MFSD12: variants seen among roughly 807,000 people sequenced by gnomAD.
MFSD12 encodes major facilitator superfamily domain containing 12, also known as major facilitator superfamily domain-containing protein 12.
A neutral mutation model predicts 51.2 loss-of-function variants in MFSD12; 67 were observed. The ratio of observed to expected loss-of-function variants is 1.31; its 90% CI spans 1.08 to 1.60. The LOEUF is 1.60. Ranked by LOEUF, MFSD12 falls within the 40% of genes most tolerant of loss-of-function variation. The pLI, the probability that MFSD12 is intolerant of heterozygous loss-of-function variation, is 0.00. For missense variants in MFSD12, 921 were observed against 673.0 expected, an observed-to-expected ratio of 1.37 and a Z score of -4.08; for synonymous variants, 441 against 316.7, an observed-to-expected ratio of 1.39 and a Z score of -4.17.
chr19:3,552,181 T>C (rs1022294167), intron 1 of MFSD12, among the ~76,000 whole-genome samples: 39 of 151,912 alleles, frequency 2.6e-4, no homozygotes, highest in Non-Finnish European at 4.9e-4. Flanking sequence ...TTTTTTTTTT[T>C]TTTTTAGACA....
chr19:3,544,520 G>C lies in MFSD12; in HGVS notation c.*190C>G. ...GAATGGGACACCCTCAAAACCCAGG[G>C]GGTCCTTGCAAGTCCCTGGCGGGCA... On this transcript the variant is annotated 3_prime_UTR_variant, in exon 10 of 10. Transcript: ENST00000355415. 1 of 1,405,580 alleles carries C rather than the reference G, an allele frequency of 7.1e-7. No homozygotes were observed. Among genetic ancestry groups the C allele is most frequent in the South Asian group, 1.7e-5 (1 of 60,574 alleles). The allele number at this position is 1,405,580 out of a possible 1,614,324, so 87.1% of individuals were successfully genotyped here.
Position 3,546,372 on chromosome 19 carries a change from C to A in MFSD12, c.1077G>T (p.Ala359=), listed in dbSNP as rs765055169. 8.7e-6 allele frequency: 14 copies of A among 1,607,946 alleles called. No homozygotes were observed. The highest frequency in any genetic ancestry group is 1.1e-5 in the Non-Finnish European group (13 of 1,177,962). Residue 359 remains alanine, a synonymous_variant, in exon 7 of 10, where the codon GCG becomes GCT. Transcript: ENST00000355415. ...LVILAFAAWV[A]LAEGLGVAVY... is the part of the protein sequence containing the mutation. Reference sequence around the variant, plus strand: ...CGGCCACACCCAGTCCCTCCGCCAGCGCCACCCAGGCGGCAAAGGCCAGGA... The same window carrying A: ...CGGCCACACCCAGTCCCTCCGCCAGAGCCACCCAGGCGGCAAAGGCCAGGA...
At chr19:3,543,314 G>C (rs1179154279), downstream of MFSD12, 2 of 1,549,296 alleles carry the variant, frequency 1.3e-6, no homozygotes, top group Non-Finnish European at 1.7e-6. Flanking sequence ...CACGCCCATG[G>C]GACGGGACGC....
At chr19:3,550,484 C>T (rs1424749047) in intron 2 of MFSD12, among the ~76,000 whole-genome samples, 5 of 151,948 alleles carry the variant, frequency 3.3e-5, no homozygotes, top group Non-Finnish European at 5.9e-5. Context: ...CTCCACCTCC[C>T]GGGTTCACAC....
At chr19:3,543,536 A>G, downstream of MFSD12, 1 of 1,220,094 alleles carries the variant, frequency 8.2e-7, no homozygotes, top group East Asian at 5.3e-5. Flanking sequence ...AATGACCGCC[A>G]GCCCCCGCCC....
In MFSD12 at chr19:3,557,107, G is replaced by A. The variant is rs1048921490; in HGVS notation, c.297C>T (p.Val99=). The A allele has an allele frequency of 2.0e-6, 3 of 1,474,316 alleles. No homozygotes were observed. The highest frequency in any genetic ancestry group is 1.8e-6 in the Non-Finnish European group (2 of 1,118,224). 91.3% of individuals were successfully genotyped at this position (1,474,316 alleles called of 1,614,324 possible). Reference sequence around the variant, plus strand: ...AGGTGGCGGGGCCGGGACGCTTACCGACCAGGTGCCAGGCCTTGCGCGGGC... The same window carrying A: ...AGGTGGCGGGGCCGGGACGCTTACCAACCAGGTGCCAGGCCTTGCGCGGGC... ...RYGPRKAWHL[V]GTVCVLLSFP... is the part of the protein sequence containing the mutation. Residue 99 remains valine (V), a splice_region_variant and synonymous_variant, in exon 1 of 10, where the codon GTC becomes GTT. Coordinates refer to ENST00000355415, the MANE Select transcript of MFSD12 (RefSeq NM_174983.5).
downstream of MFSD12, chr19:3,543,562 C>G: frequency 6.5e-7 from 1 of 1,539,328 alleles, no homozygotes; most frequent in Non-Finnish European, 8.7e-7. Context: ...CAGCCTACAC[C>G]CAGCACCTGC....
chr19:3,543,598 C>T (rs146191704), downstream of MFSD12: 258 of 1,544,388 alleles, frequency 1.7e-4, 1 homozygote, highest in East Asian at 3.3e-3. Context: ...ATGACCCCAT[C>T]GTCCCTGCCC....
At chr19:3,543,893 G>C, downstream of MFSD12, 1 of 1,550,942 alleles carries the variant, frequency 6.4e-7, no homozygotes. Context: ...TGCCCTCCCT[G>C]TCGGCACCCC....
At position 3,557,300 on chromosome 19, in the gene MFSD12, C is replaced by T; in HGVS notation, c.104G>A (p.Cys35Tyr). The part of the protein sequence containing the change: ...YAVGHFLNDL[C>Y]ASMWFTYLLL... ...CAGGTAGGTGAACCACATGGACGCGCACAGGTCGTTGAGGAAGTGGCCCAC... is the reference window on the plus strand; with the variant it reads ...CAGGTAGGTGAACCACATGGACGCGTACAGGTCGTTGAGGAAGTGGCCCAC... The change falls in exon 1 of 10, where the codon TGC becomes TAC. Residue 35 changes from cysteine (C) to tyrosine (Y), a missense_variant. Transcript: ENST00000355415. 6.3e-7 allele frequency: 1 copy of T among 1,593,580 alleles called. No individual in the cohort carries two copies. Among genetic ancestry groups the T allele is most frequent in the Non-Finnish European group, 8.5e-7 (1 of 1,171,652 alleles).
chr19:3,547,896 C>T lies in MFSD12; in HGVS notation c.789G>A (p.Gln263=). The T allele has an allele frequency of 1.3e-6, 2 of 1,563,516 alleles. No homozygotes were observed. The highest frequency in any genetic ancestry group is 1.7e-6 in the Non-Finnish European group (2 of 1,163,156). ...HTPLLAPATA[Q]PLLLWKHWLR... ...GCCAGTGCTTCCAGAGCAGCAGGGG[C>T]TGGGCCGTGGCAGGGGCCAACAGGG... is the stretch of plus-strand genomic sequence containing the variant. The change falls in exon 4 of 10, where the codon CAG becomes CAA. Residue 263 remains glutamine, a synonymous_variant. Transcript: ENST00000355415.
chr19:3,545,747 T>C (rs148590018), intron 8 of MFSD12, among the ~76,000 whole-genome samples: 28 of 152,352 alleles, frequency 1.8e-4, no homozygotes, highest in African/African-American at 6.5e-4. Flanking sequence ...GCTGTGATGC[T>C]GTGGTCTAGA....
downstream of MFSD12, chr19:3,543,731 C>T (rs550626612): frequency 4.3e-4 from 647 of 1,496,194 alleles, no homozygotes; most frequent in Middle Eastern, 1.2e-3. Context: ...GACAAGGCCA[C>T]CTAGGCCAGG....
chr19:3,552,392 G>A (rs1380850283), intron 1 of MFSD12, among the ~76,000 whole-genome samples: 1 of 147,864 alleles, frequency 6.8e-6, no homozygotes, highest in African/African-American at 2.5e-5. Context: ...GGTCTCCAAT[G>A]CCTGACCTCA....
intron 6 of MFSD12, 78 bp from the exon 7 acceptor site, chr19:3,546,503 C>CCCAA: frequency 1.3e-6 from 2 of 1,485,266 alleles, no homozygotes; most frequent in South Asian, 2.6e-5. Context: ...CACCCCTACC[C>CCCAA]CCAACCCCAG....
chr19:3,541,888 A>G (rs547948459), downstream of MFSD12: 58 of 765,618 alleles, frequency 7.6e-5, no homozygotes, highest in East Asian at 6.3e-3. Context: ...GGCTCACTGC[A>G]ACCTCCGCCT....
downstream of MFSD12, chr19:3,541,751 G>C: frequency 1.0e-6 from 1 of 985,408 alleles, no homozygotes; most frequent in Non-Finnish European, 1.2e-6. Context: ...TGAGTGGCAG[G>C]TGGGTACGGG....
At chr19:3,545,007 G>C (rs1599821128) in intron 8 of MFSD12, 68 bp from the exon 9 acceptor site, 3 of 1,519,488 alleles carry the variant, frequency 2.0e-6, no homozygotes, top group African/African-American at 1.4e-5. Context: ...AGCTGAACCT[G>C]TGCCTCCCCT....
downstream of MFSD12, chr19:3,540,187 AG>A (rs1272460172): frequency 1.4e-5 from 2 of 139,142 alleles, no homozygotes; most frequent in Non-Finnish European, 3.0e-5. Flanking sequence ...TCTGCCTCCC[AG>A]GTTCTAGGAT....
Sources: allele counts gnomAD v4.1 joint callset (sites outside exome capture counted in the v4.1 genomes callset), GRCh38; gene constraint gnomAD v4.1.1; transcripts MANE v1.5; gene names NCBI Gene and HGNC (gene_info 2026-07-23, HGNC 2026-07-21).